The following TMCO4 variants were observed in gnomAD, a reference collection of about 807,000 sequenced individuals.
TMCO4 encodes the protein transmembrane and coiled-coil domains 4.
TMCO4 carries 58 observed loss-of-function variants against 64.7 expected under a neutral mutation model. The observed-to-expected ratio is 0.90, with a 90% confidence interval of 0.73 to 1.12. The LOEUF is 1.12. Ranked by LOEUF, TMCO4 falls within the 50% of genes most tolerant of loss-of-function variation. TMCO4 has a pLI of 0.00. For missense variants in TMCO4, 780 were observed against 825.9 expected (o/e 0.94, Z 0.68); for synonymous variants, 325 against 346.1 (o/e 0.94, Z 0.68).
intron 6 of TMCO4, among the ~76,000 whole-genome samples, chr1:19,769,672 T>C (rs994796659): frequency 1.3e-5 from 2 of 152,152 alleles, no homozygotes; most frequent in East Asian, 1.9e-4. Context: ...AAGAAGCCAC[T>C]TATGCAATAA....
rs1189354670 is a variant in TMCO4, at chr1:19,683,386, A to G, written c.1559T>C (p.Ile520Thr). ...QMDAILKAVG[I>T]RTKPGWDEKG... is the part of the protein sequence containing the mutation. ...CTCGTCCCAGCCTGGCTTGGTGCGG[A>G]TGCCCACGGCCTTCAGGATGGCATC... The change falls in exon 16 of 16, where the codon ATC becomes ACC. Residue 520 changes from isoleucine to threonine, a missense_variant. Physicochemically the swap from Ile to Thr is moderately conservative, Grantham distance 89. Coordinates refer to ENST00000294543, the MANE Select transcript of TMCO4 (RefSeq NM_181719.7). 3.0e-5 allele frequency: 48 copies of G among 1,613,656 alleles called. No homozygotes were observed. Among genetic ancestry groups the G allele is most frequent in the Admixed American group, 8.3e-5 (5 of 60,010 alleles).
At chr1:19,722,346 T>A (rs973625126) in intron 13 of TMCO4, among the ~76,000 whole-genome samples, 1 of 152,056 alleles carries the variant, frequency 6.6e-6, no homozygotes, top group Non-Finnish European at 1.5e-5. Context: ...TTTACAGGAG[T>A]CAATGCTCTC....
chr1:19,705,935 C>T (rs149203014), intron 13 of TMCO4, among the ~76,000 whole-genome samples: 196 of 152,270 alleles, frequency 1.3e-3, no homozygotes, highest in Non-Finnish European at 2.0e-3. Flanking sequence ...GGGTCTCCCT[C>T]TGTTGCCCAG....
intron 14 of TMCO4, among the ~76,000 whole-genome samples, chr1:19,700,186 G>A (rs945413877): frequency 5.1e-4 from 78 of 152,218 alleles, no homozygotes; most frequent in African/African-American, 1.5e-3. Context: ...CCAAAGGGTT[G>A]CTTCCTTTCT....
At chr1:19,690,657 G>T (rs1040812451) in intron 15 of TMCO4, among the ~76,000 whole-genome samples, 11 of 152,200 alleles carry the variant, frequency 7.2e-5, no homozygotes, top group African/African-American at 2.7e-4. Context: ...ACTGTGGTTT[G>T]CTGGTCTTGT....
intron 4 of TMCO4, among the ~76,000 whole-genome samples, chr1:19,776,873 G>A (rs1045620756): frequency 2.0e-5 from 3 of 151,756 alleles, no homozygotes; most frequent in Non-Finnish European, 2.9e-5. Context: ...CTAAAAATAC[G>A]AAAATTAGCC....
intron 13 of TMCO4, among the ~76,000 whole-genome samples, chr1:19,716,384 T>TC (rs1173562499): frequency 1.4e-5 from 2 of 146,956 alleles, no homozygotes; most frequent in African/African-American, 5.0e-5. Flanking sequence ...TTTCTTTCTT[T>TC]TTTTTTTTTT....
chr1:19,763,997 C>G (rs1191725240), intron 6 of TMCO4, among the ~76,000 whole-genome samples: 3 of 152,188 alleles, frequency 2.0e-5, no homozygotes, highest in Admixed American at 2.0e-4. Context: ...CAGTGACAAG[C>G]TTACTTCAAG....
In TMCO4 at chr1:19,737,398, C is replaced by T. The variant is rs780084921; in HGVS notation, c.1238G>A (p.Cys413Tyr). 6.2e-7 allele frequency: 1 copy of T among 1,613,752 alleles called. No homozygotes were observed. Among genetic ancestry groups the T allele is most frequent in the African/African-American group, 1.3e-5 (1 of 74,938 alleles). ...TTTCTCTTGAGCCATCTCCTGCAGA[C>T]AGAAGTAGATGACTCTGGCTCCCAG... Reference protein sequence around the residue: ...FSLGARVIYFCLQEMAQEKDC... With the variant: ...FSLGARVIYFYLQEMAQEKDC... Residue 413 changes from cysteine to tyrosine, a missense_variant, in exon 13 of 16, where the codon TGT becomes TAT. Transcript: ENST00000294543.
intron 15 of TMCO4, among the ~76,000 whole-genome samples, chr1:19,687,709 C>T (rs890243350): frequency 1.3e-5 from 2 of 152,156 alleles, no homozygotes; most frequent in East Asian, 1.9e-4. Context: ...CTCCCTATAC[C>T]TTTTTAATGT....
intron 9 of TMCO4, among the ~76,000 whole-genome samples, chr1:19,746,219 T>G (rs1016128047): frequency 2.0e-5 from 3 of 152,182 alleles, no homozygotes; most frequent in Non-Finnish European, 4.4e-5. Flanking sequence ...CAGGTTCCAC[T>G]GGGGCCTTTC....
chr1:19,739,044 A>C (rs2095468066), intron 12 of TMCO4, among the ~76,000 whole-genome samples: 2 of 152,204 alleles, frequency 1.3e-5, no homozygotes, highest in African/African-American at 4.8e-5. Flanking sequence ...TGCACCATGG[A>C]AGGCTATTAG....
chr1:19,763,657 T>C (rs1301223703), intron 6 of TMCO4, among the ~76,000 whole-genome samples: 3 of 152,218 alleles, frequency 2.0e-5, no homozygotes, highest in Non-Finnish European at 4.4e-5. Flanking sequence ...GTCACATTCA[T>C]ATAACTGCTA....
intron 2 of TMCO4, among the ~76,000 whole-genome samples, chr1:19,787,827 C>T (rs970347646): frequency 6.6e-6 from 1 of 152,200 alleles, no homozygotes; most frequent in Non-Finnish European, 1.5e-5. Context: ...GCAATCTCAG[C>T]TCACTGCAAC....
intron 2 of TMCO4, among the ~76,000 whole-genome samples, chr1:19,796,305 G>A (rs1373157000): frequency 1.2e-4 from 18 of 152,078 alleles, no homozygotes; most frequent in Admixed American, 1.2e-3. Flanking sequence ...GGGGGTCAGG[G>A]GTTGCCACGC....
intron 13 of TMCO4, among the ~76,000 whole-genome samples, chr1:19,714,661 G>A (rs1024201967): frequency 1.3e-5 from 2 of 152,138 alleles, no homozygotes; most frequent in African/African-American, 2.4e-5. Context: ...AGTGGCTCAC[G>A]CCTGTAATCC....
At chr1:19,719,174 T>G (rs1476780606) in intron 13 of TMCO4, among the ~76,000 whole-genome samples, 2 of 152,200 alleles carry the variant, frequency 1.3e-5, no homozygotes, top group African/African-American at 4.8e-5. Flanking sequence ...TCCGGGTTTG[T>G]AAGCTCTAGC....
At chr1:19,727,419 T>C (rs925786280) in intron 13 of TMCO4, among the ~76,000 whole-genome samples, 2 of 152,208 alleles carry the variant, frequency 1.3e-5, no homozygotes, top group Admixed American at 6.5e-5. Flanking sequence ...ACCCAACTCA[T>C]GTCTTTGGAA....
At chr1:19,774,049 G>A (rs1269216977) in intron 4 of TMCO4, among the ~76,000 whole-genome samples, 1 of 152,202 alleles carries the variant, frequency 6.6e-6, no homozygotes, top group Non-Finnish European at 1.5e-5. Flanking sequence ...TGGTAACACT[G>A]TCTGGCACCA....
Sources: allele counts gnomAD v4.1 joint callset (sites outside exome capture counted in the v4.1 genomes callset), GRCh38; gene constraint gnomAD v4.1.1; transcripts MANE v1.5; gene names NCBI Gene and HGNC (gene_info 2026-07-23, HGNC 2026-07-21).